The following DAB1 variants were observed in gnomAD, a reference collection of about 807,000 sequenced individuals.
DAB1 encodes disabled homolog 1.
DAB1 carries 15 observed loss-of-function variants against 64.6 expected under a neutral mutation model. That is an observed-to-expected ratio of 0.23 (90% CI 0.16 to 0.36). The LOEUF (loss-of-function observed/expected upper bound fraction) is 0.36. Ranked by LOEUF, DAB1 falls within the 10% of genes least tolerant of loss-of-function variation. The pLI is 1.00. For missense variants in DAB1, 596 were observed against 706.7 expected (o/e 0.84, Z 1.78); for synonymous variants, 235 against 251.9 (o/e 0.93, Z 0.64).
intron 1 of DAB1, among the ~76,000 whole-genome samples, chr1:57,882,283 G>T (rs537671330): frequency 9.9e-5 from 15 of 152,280 alleles, no homozygotes; most frequent in African/African-American, 3.6e-4. Context: ...TTTCTTCTCT[G>T]CTGGATTCCA....
intron 1 of DAB1, among the ~76,000 whole-genome samples, chr1:57,384,365 T>G (rs373543192): frequency 3.1e-4 from 47 of 152,230 alleles, no homozygotes; most frequent in African/African-American, 1.1e-3. Context: ...CGCAAAAAGG[T>G]AAACATAGAA....
At chr1:57,607,907 G>C (rs1645676793) in intron 7 of DAB1, among the ~76,000 whole-genome samples, 1 of 152,148 alleles carries the variant, frequency 6.6e-6, no homozygotes, top group Non-Finnish European at 1.5e-5. Context: ...CAGCTGACAA[G>C]CATAGTCACC....
At chr1:57,724,300 AAGGG>A (rs796874377) in intron 6 of DAB1, among the ~76,000 whole-genome samples, 4,934 of 72,958 alleles carry the variant, frequency 0.068, 296 homozygotes, top group African/African-American at 0.17. Flanking sequence ...GGAAGGAAGG[AAGGG>A]AGGGAGGGAG....
At chr1:57,139,252 G>T (rs970701201) in intron 3 of DAB1, among the ~76,000 whole-genome samples, 143 of 152,222 alleles carry the variant, frequency 9.4e-4, no homozygotes, top group African/African-American at 3.4e-3. Flanking sequence ...CTTATAAAAA[G>T]GCTTCAGAGA....
intron 1 of DAB1, among the ~76,000 whole-genome samples, chr1:58,531,558 G>A (rs1646433819): frequency 6.6e-6 from 1 of 152,134 alleles, no homozygotes; most frequent in South Asian, 2.1e-4. Context: ...GTCATTACTT[G>A]AATGTATGAA....
At chr1:57,923,342 G>A (rs934841351) in intron 5 of DAB1, among the ~76,000 whole-genome samples, 2 of 152,102 alleles carry the variant, frequency 1.3e-5, no homozygotes, top group African/African-American at 2.4e-5. Context: ...GTGATCAAAC[G>A]CCCAGGAGCC....
chr1:57,010,268 T>C (rs1282163492), intron 14 of DAB1, among the ~76,000 whole-genome samples: 1 of 152,158 alleles, frequency 6.6e-6, no homozygotes. Flanking sequence ...TGTTGATGCT[T>C]CCAGAAACTA....
intron 3 of DAB1, among the ~76,000 whole-genome samples, chr1:58,489,010 C>T (rs1427056576): frequency 2.0e-5 from 3 of 152,228 alleles, no homozygotes; most frequent in African/African-American, 4.8e-5. Context: ...CAGCTCCCAG[C>T]GTCAGCGACG....
chr1:57,892,105 C>T (rs534427730), intron 5 of DAB1, among the ~76,000 whole-genome samples: 87 of 152,100 alleles, frequency 5.7e-4, no homozygotes, highest in Non-Finnish European at 1.1e-3. Context: ...AGTATAAATT[C>T]GATATTTAAA....
At chr1:57,327,458 C>T (rs1033721695) in intron 1 of DAB1, among the ~76,000 whole-genome samples, 2 of 152,128 alleles carry the variant, frequency 1.3e-5, no homozygotes, top group Non-Finnish European at 1.5e-5. Context: ...GTGAATTCCT[C>T]TCTATGTGAC....
intron 1 of DAB1, among the ~76,000 whole-genome samples, chr1:57,404,963 T>C (rs1462143167): frequency 6.6e-6 from 1 of 152,236 alleles, no homozygotes; most frequent in Non-Finnish European, 1.5e-5. Flanking sequence ...TTTATGACAT[T>C]CACTCAATTC....
At chr1:58,535,965 ACTGT>A (rs1646510036) in intron 1 of DAB1, among the ~76,000 whole-genome samples, 2 of 151,560 alleles carry the variant, frequency 1.3e-5, no homozygotes, top group Non-Finnish European at 2.9e-5. Context: ...ACTCTTACAT[ACTGT>A]GTTAGTATTT....
chr1:58,372,333 T>A (rs1339975493), intron 3 of DAB1, among the ~76,000 whole-genome samples: 1 of 152,222 alleles, frequency 6.6e-6, no homozygotes, highest in Non-Finnish European at 1.5e-5. Flanking sequence ...ATAGGGCCTG[T>A]GGCCCCTTTG....
At position 57,804,355 on chromosome 1, in the gene DAB1, A is replaced by G. The variant is rs1219717502; in HGVS notation, n.551+79644T>C. 2.6e-5 allele frequency among the ~76,000 whole-genome samples: 4 copies of G among 152,258 alleles called. No individual in the cohort carries two copies. In the South Asian group the frequency reaches 6.2e-4, roughly 24 times the overall value. On this transcript the variant is annotated intron_variant and non_coding_transcript_variant, in intron 6 of 20. Transcript: ENST00000485760. ...CCACCAATCACTTCTGGGAACCACA[A>G]GGGGTGACTTGAAGGACTCCCTTTG...
intron 5 of DAB1, among the ~76,000 whole-genome samples, chr1:58,028,681 G>A (rs958540991): frequency 1.3e-5 from 2 of 152,196 alleles, no homozygotes; most frequent in African/African-American, 4.8e-5. Flanking sequence ...TTTTGTGTAT[G>A]TCTGTCGATG....
chr1:57,077,102 G>C (rs1375636302), intron 4 of DAB1, among the ~76,000 whole-genome samples: 1 of 152,152 alleles, frequency 6.6e-6, no homozygotes, highest in African/African-American at 2.4e-5. Context: ...CATCAAAGAA[G>C]GCTTGACGAA....
At chr1:57,955,760 T>A (rs1027777604) in intron 5 of DAB1, among the ~76,000 whole-genome samples, 1 of 151,860 alleles carries the variant, frequency 6.6e-6, no homozygotes, top group African/African-American at 2.4e-5. Context: ...TCCATTGAGG[T>A]TTAAGGTATT....
chr1:58,144,488 A>C (rs1654479779), intron 5 of DAB1, among the ~76,000 whole-genome samples: 2 of 152,256 alleles, frequency 1.3e-5, no homozygotes, highest in African/African-American at 4.8e-5. Flanking sequence ...ATTTACATAG[A>C]GCTTACAATT....
At chr1:58,267,080 C>T (rs1374301934) in intron 4 of DAB1, among the ~76,000 whole-genome samples, 1 of 152,044 alleles carries the variant, frequency 6.6e-6, no homozygotes, top group Non-Finnish European at 1.5e-5. Context: ...ATTGGCCGGG[C>T]ATCATGGCAT....
Sources: gnomAD v4.1 joint callset for allele counts (sites outside exome capture counted in the v4.1 genomes callset) on GRCh38, gnomAD v4.1.1 for gene constraint, MANE v1.5 for transcripts, NCBI Gene and HGNC (gene_info 2026-07-23, HGNC 2026-07-21) for gene names.